IBTK: variants seen among roughly 807,000 people sequenced by gnomAD.
IBTK encodes BTK-binding protein.
In IBTK, 83 loss-of-function variants were observed where a neutral mutation model predicts 154.9. The ratio of observed to expected loss-of-function variants is 0.54; its 90% CI spans 0.45 to 0.64. The LOEUF is 0.64. Ranked by LOEUF, IBTK falls within the 30% of genes least tolerant of loss-of-function variation. The pLI, the probability that IBTK is intolerant of heterozygous loss-of-function variation, is 0.00. For missense variants in IBTK, 1,332 were observed against 1,584.6 expected, an observed-to-expected ratio of 0.84 and a Z score of 2.71; for synonymous variants, 515 against 536.1, an observed-to-expected ratio of 0.96 and a Z score of 0.54.
intron 23 of IBTK, among the ~76,000 whole-genome samples, chr6:82,193,306 A>C (rs973091402): frequency 2.0e-5 from 3 of 152,162 alleles, no homozygotes; most frequent in African/African-American, 4.8e-5. Context: ...GAAATAGCCT[A>C]ATCTATCTTG....
rs1414844696 is a variant in IBTK at position 82,233,732 on chromosome 6, GAGACGA to G, written c.418+421_418+426del. 9.3e-3 allele frequency among the ~76,000 whole-genome samples: 302 copies of G among 32,526 alleles called. 1 individual carries two copies. Among genetic ancestry groups the G allele is most frequent in the African/African-American group, 0.034 (277 of 8,108 alleles). The allele number at this position is 32,526 out of a possible 152,430, so 21.3% of individuals were successfully genotyped here. A position where few individuals can be genotyped will look rare whatever the true frequency, so the allele number is the denominator to read the frequency against. On this transcript the variant is annotated intron_variant, in intron 3 of 28. Coordinates refer to ENST00000306270, the MANE Select transcript of IBTK (RefSeq NM_015525.4). ...TAAAGTTTTTTTTTTTTTTTTTTTT[GAGACGA>G]AGTCTAGCTCTATCACCCAGGCTGG... is the stretch of plus-strand genomic sequence containing the variant.
At chr6:82,204,571 C>T (rs1455413664) in intron 17 of IBTK, among the ~76,000 whole-genome samples, 1 of 152,102 alleles carries the variant, frequency 6.6e-6, no homozygotes, top group Non-Finnish European at 1.5e-5. Flanking sequence ...AACTCTCACC[C>T]TTGAAATTAG....
chr6:82,212,847 TACA>T, intron 12 of IBTK, 54 bp from the exon 13 acceptor site: 1 of 1,046,948 alleles, frequency 9.6e-7, no homozygotes, highest in Non-Finnish European at 1.5e-6. Context: ...AAAATAAACA[TACA>T]ACAAAAAATC....
chr6:82,211,320 T>C (rs1769627376), intron 15 of IBTK, 47 bp downstream of exon 15: 2 of 1,469,184 alleles, frequency 1.4e-6, no homozygotes, highest in Admixed American at 2.1e-5. Context: ...GCACAAAATA[T>C]AAAGAAACAT....
At position 82,173,434 on chromosome 6, in the gene IBTK, A is replaced by T. The variant is rs1346559167; in HGVS notation, c.3730T>A (p.Ser1244Thr). 1.2e-6 allele frequency: 2 copies of T among 1,612,958 alleles called. No homozygotes were observed. Among genetic ancestry groups the T allele is most frequent in the Admixed American group, 3.3e-5 (2 of 59,978 alleles). Residue 1244 changes from serine (S) to threonine (T), a missense_variant, in exon 27 of 29, where the codon TCT becomes ACT. Around this residue, in one of 3 missense-constraint regions of IBTK, gnomAD observed 1,134 missense variants for 1,274.7 expected, o/e 0.89. Transcript: ENST00000306270. ...NSQAPKIVRC[S>T]THGTPGPEGN... ...TCTGGTCCTGGGGTACCATGGGTAG[A>T]GCATCTGCAAAACAAATGCCAAAAT... is the stretch of plus-strand genomic sequence containing the variant.
At chr6:82,246,938 C>T (rs1771170773) in intron 1 of IBTK, among the ~76,000 whole-genome samples, 1 of 152,094 alleles carries the variant, frequency 6.6e-6, no homozygotes, top group South Asian at 2.1e-4. Context: ...TTATGAACTA[C>T]GTTGGAAAAC....
intron 26 of IBTK, among the ~76,000 whole-genome samples, chr6:82,175,982 T>C (rs1469836474): frequency 1.3e-5 from 2 of 150,048 alleles, no homozygotes; most frequent in African/African-American, 4.9e-5. Context: ...TGAGCTGAGA[T>C]CAAGCCATTG....
At chr6:82,174,751 T>C in intron 26 of IBTK, 1 of 321,676 alleles carries the variant, frequency 3.1e-6, no homozygotes, top group Non-Finnish European at 6.1e-6. Flanking sequence ...AGAAAGCATA[T>C]ATTAACTATT....
chr6:82,226,608 T>TG (rs1770307899), intron 5 of IBTK, among the ~76,000 whole-genome samples: 2 of 151,626 alleles, frequency 1.3e-5, no homozygotes, highest in Admixed American at 6.6e-5. Flanking sequence ...TTTTTTGTTT[T>TG]TTTTTTTTTC....
chr6:82,244,509 C>T (rs780430671), intron 1 of IBTK, among the ~76,000 whole-genome samples: 17 of 152,166 alleles, frequency 1.1e-4, no homozygotes, highest in Non-Finnish European at 2.1e-4. Flanking sequence ...AGGGCATTAT[C>T]GCTTCCCCTG....
At chr6:82,212,828 T>A in intron 12 of IBTK, 35 bp from the exon 13 acceptor site, 1 of 1,171,342 alleles carries the variant, frequency 8.5e-7, no homozygotes, top group Non-Finnish European at 1.3e-6. Flanking sequence ...CAATTGATAT[T>A]CCCCTACAAA....
Position 82,240,729 on chromosome 6 carries a change from A to G in IBTK, c.-243T>C. The G allele has an allele frequency of 2.1e-6, 1 of 480,586 alleles. No homozygotes were observed. Among genetic ancestry groups the G allele is most frequent in the Non-Finnish European group, 3.6e-6 (1 of 275,856 alleles). 29.8% of individuals were successfully genotyped at this position (480,586 alleles called of 1,614,324 possible). Reference sequence around the variant, plus strand: ...ATCAAATACAAGTTCTTCATTTAAAAAAATTCCACAGTTTATAAATTATTC... The same window carrying G: ...ATCAAATACAAGTTCTTCATTTAAAGAAATTCCACAGTTTATAAATTATTC... On this transcript the variant is annotated 5_prime_UTR_variant, in exon 2 of 29. Coordinates refer to ENST00000306270, the MANE Select transcript of IBTK (RefSeq NM_015525.4).
intron 1 of IBTK, among the ~76,000 whole-genome samples, chr6:82,243,788 T>C (rs374450712): frequency 3.9e-5 from 6 of 152,220 alleles, no homozygotes; most frequent in Admixed American, 1.3e-4. Context: ...GCATAATACC[T>C]GGAAGGAACT....
intron 25 of IBTK, among the ~76,000 whole-genome samples, chr6:82,189,562 G>A (rs1022010834): frequency 2.0e-5 from 3 of 152,072 alleles, no homozygotes; most frequent in Admixed American, 2.0e-4. Context: ...ACAGGATCAA[G>A]AAAACTGGGG....
At chr6:82,214,852 T>C (rs530305825) in intron 11 of IBTK, 23 bp from the exon 12 acceptor site, 4 of 1,522,074 alleles carry the variant, frequency 2.6e-6, no homozygotes, top group Admixed American at 2.2e-5. Flanking sequence ...CAAAAACAAA[T>C]TATGCTTCAA....
chr6:82,204,019 G>A (rs543800558), intron 17 of IBTK, among the ~76,000 whole-genome samples: 2 of 152,238 alleles, frequency 1.3e-5, no homozygotes, highest in African/African-American at 4.8e-5. Flanking sequence ...ACAGATATAA[G>A]ATTAGAAAGT....
chr6:82,228,482 A>G (rs1282359411), intron 4 of IBTK, among the ~76,000 whole-genome samples: 2 of 152,366 alleles, frequency 1.3e-5, no homozygotes, highest in African/African-American at 4.8e-5. Flanking sequence ...AGTGAAATTC[A>G]TTTTATGAAA....
At chr6:82,235,062 T>C (rs943860642) in intron 2 of IBTK, among the ~76,000 whole-genome samples, 3 of 151,694 alleles carry the variant, frequency 2.0e-5, no homozygotes, top group African/African-American at 4.8e-5. Context: ...GGTTTCACCA[T>C]GTTGGCCAGG....
chr6:82,172,296 A>G, intron 28 of IBTK, 84 bp downstream of exon 28: 2 of 1,421,924 alleles, frequency 1.4e-6, no homozygotes. Flanking sequence ...CACCTGTCCA[A>G]AACAAACAAA....
Sources: gnomAD v4.1 joint callset for allele counts (sites outside exome capture counted in the v4.1 genomes callset) on GRCh38, gnomAD v4.1.1 for gene constraint, gnomAD v4.1.1 regional missense constraint, MANE v1.5 for transcripts, NCBI Gene and HGNC (gene_info 2026-07-23, HGNC 2026-07-21) for gene names.